The following CTTNBP2 variants were observed in gnomAD, a reference collection of about 807,000 sequenced individuals.
The protein encoded by CTTNBP2 is cortactin binding protein 2, also known as cortactin-binding protein 2.
Under a neutral mutation model 156.9 loss-of-function variants are expected in CTTNBP2, and 108 were observed. The ratio of observed to expected loss-of-function variants is 0.69; its 90% CI spans 0.59 to 0.81. The LOEUF (loss-of-function observed/expected upper bound fraction) is 0.81. Among genes scored for constraint, CTTNBP2 ranks in the 30% least tolerant of loss-of-function variants. The pLI is 0.00. For missense variants in CTTNBP2, 1,924 were observed against 2,035.4 expected, an observed-to-expected ratio of 0.95 and a Z score of 1.05; for synonymous variants, 767 against 751.8, an observed-to-expected ratio of 1.02 and a Z score of -0.33.
At chr7:117,730,476 T>A (rs1795340460) in intron 16 of CTTNBP2, among the ~76,000 whole-genome samples, 1 of 152,184 alleles carries the variant, frequency 6.6e-6, no homozygotes. Flanking sequence ...ATGTCATTTA[T>A]CAGATTTGTA....
chr7:117,712,071 G>T lies in CTTNBP2; in HGVS notation c.4747-289C>A, dbSNP rs1794092042. 3.9e-5 allele frequency among the ~76,000 whole-genome samples: 6 copies of T among 152,256 alleles called. No individual in the cohort carries two copies. In the East Asian group the frequency reaches 9.7e-4, roughly 25 times the overall value. On this transcript the variant is annotated intron_variant, in intron 22 of 22. Transcript: ENST00000160373. ...CCAACAGAAACTTCACAAAATTACA[G>T]GCATGAGGAAATCACCAAATTGGAG...
rs768167818 is a variant in CTTNBP2, at chr7:117,780,526, G to A, written c.2438C>T (p.Pro813Leu). The change falls in exon 7 of 23, where the codon CCT becomes CTT. Residue 813 changes from proline (P) to leucine (L), a missense_variant. By Grantham distance (98) the Pro-to-Leu change is moderately conservative (BLOSUM62 -3). Transcript: ENST00000160373. ...TCCATTTTTACAGGCCAGGTATAGA[G>A]GTGTCTGTCCTCCATCAGCAGCATG... ...INHAADGGQT[P>L]LYLACKNGNK... 22 of 1,596,436 alleles carry A rather than the reference G, an allele frequency of 1.4e-5. No homozygotes were observed. Among genetic ancestry groups the A allele is most frequent in the Non-Finnish European group, 1.6e-5 (19 of 1,169,100 alleles).
intron 12 of CTTNBP2, among the ~76,000 whole-genome samples, chr7:117,754,579 T>A (rs547661111): frequency 6.6e-6 from 1 of 152,320 alleles, no homozygotes; most frequent in Admixed American, 6.5e-5. Flanking sequence ...CTTAAGGGGA[T>A]TATAATTGTT....
intron 2 of CTTNBP2, among the ~76,000 whole-genome samples, chr7:117,841,213 T>A (rs1802256227): frequency 6.6e-6 from 1 of 152,186 alleles, no homozygotes; most frequent in South Asian, 2.1e-4. Flanking sequence ...GGTATCTGCT[T>A]CTTCATCTGA....
At chr7:117,783,349 G>A (rs376592571) in intron 5 of CTTNBP2, among the ~76,000 whole-genome samples, 232 of 152,144 alleles carry the variant, frequency 1.5e-3, no homozygotes, top group African/African-American at 3.5e-3. Flanking sequence ...TTTACCAAAC[G>A]GAAATACCAT....
chr7:117,858,014 T>TA (rs1267739641), intron 2 of CTTNBP2, among the ~76,000 whole-genome samples: 2 of 152,146 alleles, frequency 1.3e-5, no homozygotes, highest in Admixed American at 6.5e-5. Flanking sequence ...TTACCTACTG[T>TA]AAAAAACACA....
rs780222815 is a variant in CTTNBP2 at position 117,780,604 on chromosome 7, T to C, written c.2373-13A>G. On this transcript the variant is annotated splice_polypyrimidine_tract_variant and intron_variant, in intron 6 of 22. Transcript: ENST00000160373. Reference sequence around the variant, plus strand: ...TAATTCTACACACCTAAACACAAGATTAGGATTAATTACATAAAACCTGGG... The same window carrying C: ...TAATTCTACACACCTAAACACAAGACTAGGATTAATTACATAAAACCTGGG... 4 of 1,525,556 alleles carry C rather than the reference T, an allele frequency of 2.6e-6. No individual in the cohort carries two copies. In the East Asian group the frequency reaches 7.2e-5, roughly 28 times the overall value. 94.5% of individuals were successfully genotyped at this position (1,525,556 alleles called of 1,614,324 possible).
chr7:117,815,998 C>A (rs768850941), intron 2 of CTTNBP2, among the ~76,000 whole-genome samples: 3 of 152,186 alleles, frequency 2.0e-5, no homozygotes, highest in Non-Finnish European at 4.4e-5. Context: ...AAGGTAGCAT[C>A]TAACAGACTT....
intron 22 of CTTNBP2, among the ~76,000 whole-genome samples, chr7:117,716,197 TAAAC>T (rs1293260419): frequency 2.8e-5 from 4 of 142,896 alleles, no homozygotes; most frequent in Admixed American, 6.9e-5. Context: ...AAAAATATCT[TAAAC>T]AAAGCTGCCC....
rs1320555842 is a variant in CTTNBP2, at chr7:117,712,911, A to G, written c.4747-1129T>C. 2.6e-5 allele frequency among the ~76,000 whole-genome samples: 4 copies of G among 152,312 alleles called. No homozygotes were observed. In the East Asian group the frequency reaches 7.7e-4, roughly 29 times the overall value. ...TGAGCAATTAAATCAAGGGTCCCCA[A>G]GCCACAGGCTGTGGACCAGTCCATG... is the stretch of plus-strand genomic sequence containing the variant. On this transcript the variant is annotated intron_variant, in intron 22 of 22. Coordinates refer to ENST00000160373, the MANE Select transcript of CTTNBP2 (RefSeq NM_033427.3).
In CTTNBP2 at chr7:117,820,641, A is replaced by G. The variant is rs147990514; in HGVS notation, c.190-9652T>C. Among the ~76,000 whole-genome samples, 3 of 152,282 alleles carry G rather than the reference A, an allele frequency of 2.0e-5. No individual in the cohort carries two copies. The East Asian group carries it at 5.8e-4, about 29-fold the overall frequency. On this transcript the variant is annotated intron_variant, in intron 2 of 22. Transcript: ENST00000160373. The stretch of plus-strand genomic sequence containing the variant: ...CTGCTGAAAAGACTAGCCTTTCCCC[A>G]TTGAATATCTCTGATGCCTTTGTTG...
chr7:117,771,836 G>C (rs1022814498), intron 8 of CTTNBP2, among the ~76,000 whole-genome samples: 2 of 152,166 alleles, frequency 1.3e-5, no homozygotes, highest in African/African-American at 2.4e-5. Flanking sequence ...AGTGTGGAGA[G>C]GTATCCTGGG....
In CTTNBP2 at chr7:117,867,077, T is replaced by A. The variant is rs138857476; in HGVS notation, c.82-5761A>T. ...AGGTACATAAGAACATGCACTATAT[T>A]AAGAATTCAGCTAATTGTAAGGGTT... On this transcript the variant is annotated intron_variant, in intron 1 of 22. Transcript: ENST00000160373. 9.9e-3 allele frequency among the ~76,000 whole-genome samples: 1,504 copies of A among 152,346 alleles called. 10 individuals are homozygous for A. The highest frequency in any genetic ancestry group is 0.017 in the Non-Finnish European group (1,131 of 68,022).
Position 117,771,410 on chromosome 7 carries a change from G to A in CTTNBP2, c.2779-4234C>T, listed in dbSNP as rs1797790745. 3.9e-5 allele frequency among the ~76,000 whole-genome samples: 6 copies of A among 152,224 alleles called. No individual in the cohort carries two copies. In the South Asian group the frequency reaches 1.2e-3, roughly 32 times the overall value. ...GCTGCTTTACAGGGCTGGGGAGATGGAAGCTGTTAACGTGGGAAATAACGA... is the reference window on the plus strand; with the variant it reads ...GCTGCTTTACAGGGCTGGGGAGATGAAAGCTGTTAACGTGGGAAATAACGA... On this transcript the variant is annotated intron_variant, in intron 8 of 22. Transcript: ENST00000160373.
At chr7:117,856,259 T>C (rs1803311488) in intron 2 of CTTNBP2, among the ~76,000 whole-genome samples, 1 of 152,230 alleles carries the variant, frequency 6.6e-6, no homozygotes, top group African/African-American at 2.4e-5. Flanking sequence ...CCATTTCCCA[T>C]CTTTCCCCCT....
chr7:117,715,475 TAAAAAAAAA>T (rs398048025), intron 22 of CTTNBP2, among the ~76,000 whole-genome samples: 17 of 116,392 alleles, frequency 1.5e-4, no homozygotes, highest in Admixed American at 2.5e-4. Context: ...GCCCTGAAGT[TAAAAAAAAA>T]AAAAAAAAAG....
intron 20 of CTTNBP2, among the ~76,000 whole-genome samples, 155 bp downstream of exon 20, chr7:117,720,912 G>C (rs1794753665): frequency 6.6e-6 from 1 of 152,164 alleles, no homozygotes; most frequent in Admixed American, 6.5e-5. Context: ...TTAGATTTCA[G>C]TTTAATATCA....
intron 14 of CTTNBP2, among the ~76,000 whole-genome samples, chr7:117,745,382 T>C (rs34634015): frequency 9.9e-4 from 150 of 152,216 alleles, no homozygotes; most frequent in African/African-American, 3.6e-3. Context: ...AAGAGTGAGG[T>C]AGAGAAAGTG....
At chr7:117,807,944 A>T (rs1389329423) in intron 3 of CTTNBP2, among the ~76,000 whole-genome samples, 1 of 152,196 alleles carries the variant, frequency 6.6e-6, no homozygotes, top group East Asian at 1.9e-4. Flanking sequence ...CTCAATGAAC[A>T]TTGGCTTCAC....
Sources: gnomAD v4.1 joint callset for allele counts (sites outside exome capture counted in the v4.1 genomes callset) on GRCh38, gnomAD v4.1.1 for gene constraint, MANE v1.5 for transcripts, NCBI Gene and HGNC (gene_info 2026-07-23, HGNC 2026-07-21) for gene names.